Variants in IFI44L observed in about 807,000 individuals in gnomAD.
The protein encoded by IFI44L is interferon-induced protein 44-like.
IFI44L carries 40 observed loss-of-function variants against 39.3 expected under a neutral mutation model. That is an observed-to-expected ratio of 1.02 (90% CI 0.79 to 1.33). The LOEUF (loss-of-function observed/expected upper bound fraction) is 1.33, where lower values mean the gene tolerates loss of function less well. Among genes scored for constraint, IFI44L ranks in the 40% most tolerant of loss-of-function variants. The probability of loss-of-function intolerance (pLI) is 0.00; values close to 1 mark genes in which losing one functional copy is unlikely to be tolerated. For synonymous variants in IFI44L, 198 were observed against 182.3 expected, an observed-to-expected ratio of 1.09 and a Z score of -0.69; for missense variants, 623 against 549.0, an observed-to-expected ratio of 1.13 and a Z score of -1.35.
In IFI44L at chr1:78,628,123, A is replaced by G. The variant is rs1652568335; in HGVS notation, c.208A>G (p.Ile70Val). 1.2e-6 allele frequency: 2 copies of G among 1,611,830 alleles called. No individual in the cohort carries two copies. Among genetic ancestry groups the G allele is most frequent in the Non-Finnish European group, 1.7e-6 (2 of 1,178,696 alleles). The stretch of plus-strand genomic sequence containing the variant: ...TGTAGCCTTTATGCTTGGAAATTAT[A>G]TTAATTTACATGAAAGTTCTACAGA... ...MIVAFMLGNY[I>V]NLHESSTEPN... The change falls in exon 2 of 9, where the codon ATT becomes GTT. Residue 70 changes from isoleucine (I) to valine (V), a missense_variant. Coordinates refer to ENST00000370751, the MANE Select transcript of IFI44L (RefSeq NM_006820.4).
intron 4 of IFI44L, among the ~76,000 whole-genome samples, chr1:78,632,202 T>A (rs889672596): frequency 1.3e-5 from 2 of 152,160 alleles, no homozygotes; most frequent in South Asian, 4.1e-4. Context: ...TTGGCAGGTA[T>A]CTTAATGCAA....
intron 1 of IFI44L, among the ~76,000 whole-genome samples, chr1:78,624,637 T>C (rs188029987): frequency 9.2e-5 from 14 of 152,318 alleles, no homozygotes; most frequent in Non-Finnish European, 4.4e-5. Context: ...ATTGATCTTC[T>C]GTTTGGATAT....
chr1:78,631,340 T>C (rs971961584), intron 4 of IFI44L: 4 of 152,182 alleles, frequency 2.6e-5, no homozygotes, highest in Non-Finnish European at 4.4e-5. Flanking sequence ...ATTTCTTTCA[T>C]GTTGAGGCAC....
At position 78,643,162 on chromosome 1, in the gene IFI44L, T is replaced by TTTTTTTTTTTTTTTTTGA; in HGVS notation, c.*1353_*1354insTTTTTTTTTTTTTTTTGA. ...ATATTAAGAAAGCAAGAGTTTCTTA[T>TTTTTTTTTTTTTTTTTGA]GTCCAGTTATGGAATATTTCCTAAA... On this transcript the variant is annotated 3_prime_UTR_variant, in exon 9 of 9. Transcript: ENST00000370751. 6.6e-6 allele frequency: 1 copy of TTTTTTTTTTTTTTTTTGA among 151,834 alleles called. No individual in the cohort carries two copies. Among genetic ancestry groups the TTTTTTTTTTTTTTTTTGA allele is most frequent in the South Asian group, 2.1e-4 (1 of 4,810 alleles). The allele number at this position is 151,834 out of a possible 1,614,324, so 9.4% of individuals were successfully genotyped here. A position where few individuals can be genotyped will look rare whatever the true frequency, so the allele number is the denominator to read the frequency against.
At chr1:78,635,193 T>C in intron 4 of IFI44L, 144 bp from the exon 5 acceptor site, 1 of 536,756 alleles carries the variant, frequency 1.9e-6, no homozygotes. Flanking sequence ...TCTCAATAAC[T>C]TTTAAGAGTC....
At chr1:78,632,223 G>A (rs1652775892) in intron 4 of IFI44L, among the ~76,000 whole-genome samples, 1 of 152,098 alleles carries the variant, frequency 6.6e-6, no homozygotes, top group Non-Finnish European at 1.5e-5. Context: ...ATGCTCAAGT[G>A]ACCCTACTAA....
rs751406764 is a variant in IFI44L at position 78,623,912 on chromosome 1, G to T, written c.-11+3341G>T. On this transcript the variant is annotated intron_variant, in intron 1 of 8. Transcript: ENST00000370751. ...AATGGATTGGATGATGTCAGCTCAT[G>T]TTGGATCTTTTTTATGCAGTTTACT... Among the ~76,000 whole-genome samples, 13 of 152,290 alleles carry T rather than the reference G, an allele frequency of 8.5e-5. No individual in the cohort carries two copies. In the South Asian group the frequency reaches 2.1e-3, roughly 24 times the overall value.
chr1:78,640,927 A>G, intron 6 of IFI44L, 94 bp from the exon 7 acceptor site: 2 of 804,702 alleles, frequency 2.5e-6, no homozygotes, highest in East Asian at 2.5e-5. Context: ...AGCTCTCAAA[A>G]TCACCCTATA....
chr1:78,628,712 C>T (rs996536808), intron 2 of IFI44L: 1 of 526,452 alleles, frequency 1.9e-6, no homozygotes, highest in Non-Finnish European at 3.4e-6. Flanking sequence ...AAAGATCAGA[C>T]CCTTATATGA....
intron 1 of IFI44L, 40 bp from the exon 2 acceptor site, chr1:78,627,866 A>G (rs1285667552): frequency 2.3e-5 from 27 of 1,181,340 alleles, no homozygotes. Flanking sequence ...AAGCTACTAT[A>G]TTATATAAGC....
In IFI44L at chr1:78,642,990, T is replaced by C. The variant is rs779617258; in HGVS notation, c.*1181T>C. 4 of 151,050 alleles carry C rather than the reference T, an allele frequency of 2.6e-5. No individual in the cohort carries two copies. Among genetic ancestry groups the C allele is most frequent in the African/African-American group, 9.7e-5 (4 of 41,178 alleles). 9.4% of individuals were successfully genotyped at this position (151,050 alleles called of 1,614,324 possible). ...AAATTCCCAAAAGATAGCTTTCACT[T>C]TTTTTTTTCCTTAAAGACTTCCTAA... On this transcript the variant is annotated 3_prime_UTR_variant, in exon 9 of 9. Coordinates refer to ENST00000370751, the MANE Select transcript of IFI44L (RefSeq NM_006820.4).
chr1:78,640,166 A>G (rs181654371), intron 6 of IFI44L, among the ~76,000 whole-genome samples: 2 of 152,272 alleles, frequency 1.3e-5, no homozygotes, highest in East Asian at 3.9e-4. Flanking sequence ...GTATGGCAAC[A>G]CATTGTCCTT....
At position 78,641,077 on chromosome 1, in the gene IFI44L, G is replaced by GACA. The variant is rs1557690826; in HGVS notation, c.1108_1110dup (p.Asn370dup). Reference sequence around the variant, plus strand: ...GGATGATTGCAGTGAGGTTCTTCAAGACAACTTTTTAAACATGAGTAGATC... The same window carrying GACA: ...GGATGATTGCAGTGAGGTTCTTCAAGACAACAACTTTTTAAACATGAGTAGATC... On this transcript the variant is annotated inframe_insertion, in exon 7 of 9. Transcript: ENST00000370751. 8 of 1,612,946 alleles carry GACA rather than the reference G, an allele frequency of 5.0e-6. No individual in the cohort carries two copies. Among genetic ancestry groups the GACA allele is most frequent in the Non-Finnish European group, 6.8e-6 (8 of 1,179,230 alleles).
rs769008525 is a variant in IFI44L, at chr1:78,628,302, A to C, written c.387A>C (p.Lys129Asn). ...TDIFIICRDN[K>N]IYLDKMITRN... ...TTTTCATTATATGTCGAGATAATAA[A>C]ATTTATCTAGATAAAATGATAACAA... Residue 129 changes from lysine (K) to asparagine (N), a missense_variant, in exon 2 of 9, where the codon AAA (lysine) becomes AAC (asparagine). By Grantham distance (94) the Lys-to-Asn change is moderately conservative. Coordinates refer to ENST00000370751, the MANE Select transcript of IFI44L (RefSeq NM_006820.4). The C allele has an allele frequency of 7.5e-6, 12 of 1,603,926 alleles. No individual in the cohort carries two copies. In the East Asian group the frequency reaches 2.2e-4, roughly 30 times the overall value.
At position 78,620,572 on chromosome 1, in the gene IFI44L, G is replaced by A. The variant is rs1385811266; in HGVS notation, c.-11+1G>A. ...AGCCTGATCTAACCCCTAGAAACAGGTAAGCGACTTTTTAATTGAAACATA... is the reference window on the plus strand; with the variant it reads ...AGCCTGATCTAACCCCTAGAAACAGATAAGCGACTTTTTAATTGAAACATA... On this transcript the variant is annotated splice_donor_variant, in intron 1 of 8. Coordinates refer to ENST00000370751, the MANE Select transcript of IFI44L (RefSeq NM_006820.4). LOFTEE classifies it low-confidence loss of function (5UTR_SPLICE). 6.6e-6 allele frequency: 1 copy of A among 152,168 alleles called. No individual in the cohort carries two copies. Among genetic ancestry groups the A allele is most frequent in the South Asian group, 2.1e-4 (1 of 4,834 alleles). The allele number at this position is 152,168 out of a possible 1,614,324, so 9.4% of individuals were successfully genotyped here.
intron 1 of IFI44L, among the ~76,000 whole-genome samples, chr1:78,624,005 T>TTCCCTTTCTTTTC (rs892972834): frequency 1.3e-5 from 2 of 152,132 alleles, no homozygotes; most frequent in African/African-American, 4.8e-5. Flanking sequence ...CTTTTCTTTT[T>TTCCCTTTCTTTTC]TTCCTTTCTT....
At chr1:78,631,799 G>C (rs544547451) in intron 4 of IFI44L, among the ~76,000 whole-genome samples, 2 of 151,674 alleles carry the variant, frequency 1.3e-5, no homozygotes, top group African/African-American at 4.8e-5. Flanking sequence ...AGTTTTTTTT[G>C]TCTTTTCTAG....
intron 4 of IFI44L, chr1:78,631,358 T>C (rs190959964): frequency 6.6e-6 from 1 of 152,264 alleles, no homozygotes; most frequent in African/African-American, 2.4e-5. Context: ...CACTGGTAAG[T>C]CCTATTCTCC....
intron 1 of IFI44L, among the ~76,000 whole-genome samples, chr1:78,625,211 T>G (rs1652440804): frequency 6.6e-6 from 1 of 152,176 alleles, no homozygotes; most frequent in African/African-American, 2.4e-5. Flanking sequence ...AGAACATGTG[T>G]AAGATTGTGT....
Sources: allele counts gnomAD v4.1 joint callset (sites outside exome capture counted in the v4.1 genomes callset), GRCh38; gene constraint gnomAD v4.1.1; transcripts MANE v1.5; gene names NCBI Gene and HGNC (gene_info 2026-07-23, HGNC 2026-07-21).